CAMK4: variants seen among roughly 807,000 people sequenced by gnomAD.
CAMK4 encodes the protein calcium/calmodulin dependent protein kinase IV, also known as calcium/calmodulin-dependent protein kinase type IV.
CAMK4 carries 22 observed loss-of-function variants against 44.9 expected under a neutral mutation model. The observed-to-expected ratio is 0.49, with a 90% CI of 0.35 to 0.70. The LOEUF (loss-of-function observed/expected upper bound fraction) is 0.70, where lower values mean the gene tolerates loss of function less well. Among genes scored for constraint, CAMK4 ranks in the 30% least tolerant of loss-of-function variants. The pLI is 0.01. For missense variants in CAMK4, 498 were observed against 586.8 expected (o/e 0.85, Z 1.56); for synonymous variants, 218 against 215.4 (o/e 1.01, Z -0.11).
intron 1 of CAMK4, among the ~76,000 whole-genome samples, chr5:111,264,496 CA>C (rs1454724499): frequency 6.6e-6 from 1 of 152,144 alleles, no homozygotes; most frequent in Non-Finnish European, 1.5e-5. Context: ...AATTTCCTAT[CA>C]GATACCCTAA....
At chr5:111,360,911 ATC>A (rs1259618046) in intron 2 of CAMK4, among the ~76,000 whole-genome samples, 5 of 152,054 alleles carry the variant, frequency 3.3e-5, no homozygotes, top group African/African-American at 1.2e-4. Flanking sequence ...GATCTCTAGA[ATC>A]TCTGTCTTTC....
At chr5:111,330,668 A>G (rs1251673610) in intron 1 of CAMK4, among the ~76,000 whole-genome samples, 2 of 151,712 alleles carry the variant, frequency 1.3e-5, no homozygotes, top group Non-Finnish European at 2.9e-5. Context: ...ATACCATTTT[A>G]TATAAGGGAC....
intron 2 of CAMK4, among the ~76,000 whole-genome samples, chr5:111,347,932 C>A (rs1270627153): frequency 3.3e-5 from 5 of 151,886 alleles, no homozygotes. Context: ...TGAAACATAT[C>A]ACATTTAAGA....
chr5:111,377,584 C>T (rs560410391), intron 4 of CAMK4, among the ~76,000 whole-genome samples: 6 of 152,174 alleles, frequency 3.9e-5, no homozygotes, highest in African/African-American at 1.4e-4. Context: ...TTGTACAAGA[C>T]ACACAAACTT....
In CAMK4 at chr5:111,375,296, A is replaced by G. The variant is rs188367302; in HGVS notation, c.303+384A>G. 4.6e-5 allele frequency among the ~76,000 whole-genome samples: 7 copies of G among 152,282 alleles called. No homozygotes were observed. The East Asian group carries it at 1.4e-3, about 29-fold the overall frequency. On this transcript the variant is annotated intron_variant, in intron 3 of 10. Transcript: ENST00000282356. ...ATACATTGCTTTCCCAAGTAATTTC[A>G]GTCTGCTTTGAGAGAGGATCTGCTT... is the stretch of plus-strand genomic sequence containing the variant.
chr5:111,237,951 A>G (rs1159277346), intron 1 of CAMK4, among the ~76,000 whole-genome samples: 2 of 152,250 alleles, frequency 1.3e-5, no homozygotes, highest in Admixed American at 1.3e-4. Context: ...AAGTAGGGTT[A>G]TTAACTTTAC....
intron 5 of CAMK4, among the ~76,000 whole-genome samples, chr5:111,424,542 T>A (rs1335511525): frequency 6.8e-6 from 1 of 146,298 alleles, no homozygotes; most frequent in Admixed American, 7.0e-5. Context: ...CCTCCTGAGT[T>A]CACGCCATTC....
At chr5:111,430,564 C>T (rs1753407156) in intron 5 of CAMK4, among the ~76,000 whole-genome samples, 1 of 152,196 alleles carries the variant, frequency 6.6e-6, no homozygotes. Flanking sequence ...AACCTTAAGA[C>T]TCCACAAGAA....
chr5:111,450,156 TA>T (rs956134638), intron 7 of CAMK4, among the ~76,000 whole-genome samples: 13 of 150,268 alleles, frequency 8.7e-5, no homozygotes, highest in South Asian at 2.1e-4. Flanking sequence ...CTATCTCTAC[TA>T]AAAAAAAATA....
chr5:111,334,354 A>C (rs1011669539), intron 1 of CAMK4, among the ~76,000 whole-genome samples: 3 of 151,564 alleles, frequency 2.0e-5, no homozygotes, highest in Non-Finnish European at 3.0e-5. Context: ...GTGACCAAAG[A>C]ACATCTTGAA....
chr5:111,364,209 T>C (rs1019210649), intron 2 of CAMK4, among the ~76,000 whole-genome samples: 60 of 139,576 alleles, frequency 4.3e-4, no homozygotes, highest in African/African-American at 1.2e-3. Context: ...GAGTTATTAA[T>C]CAGGATCATG....
chr5:111,392,671 C>G (rs907852499), intron 4 of CAMK4, among the ~76,000 whole-genome samples: 5 of 151,900 alleles, frequency 3.3e-5, no homozygotes, highest in Non-Finnish European at 7.4e-5. Context: ...ACATATTAAC[C>G]TGATAATATT....
chr5:111,432,962 C>G (rs934098316), intron 5 of CAMK4, among the ~76,000 whole-genome samples: 6 of 152,002 alleles, frequency 3.9e-5, no homozygotes, highest in Admixed American at 3.3e-4. Context: ...CTTTGATAGG[C>G]AAGCACACAA....
At chr5:111,286,509 C>A (rs942665821) in intron 1 of CAMK4, among the ~76,000 whole-genome samples, 3 of 152,226 alleles carry the variant, frequency 2.0e-5, no homozygotes, top group South Asian at 4.1e-4. Flanking sequence ...TCCTTTGCAG[C>A]CCCTCTTTCA....
intron 1 of CAMK4, among the ~76,000 whole-genome samples, chr5:111,301,723 T>G (rs1161843289): frequency 6.6e-6 from 1 of 152,228 alleles, no homozygotes; most frequent in African/African-American, 2.4e-5. Context: ...CCCACTATCA[T>G]TTTGGGAATC....
intron 4 of CAMK4, among the ~76,000 whole-genome samples, chr5:111,389,053 G>A (rs1751707262): frequency 6.6e-6 from 1 of 152,108 alleles, no homozygotes; most frequent in African/African-American, 2.4e-5. Context: ...ATACTGAGTG[G>A]CTTATAAACA....
chr5:111,366,317 C>T (rs1293115285), intron 2 of CAMK4, among the ~76,000 whole-genome samples: 1 of 152,080 alleles, frequency 6.6e-6, no homozygotes, highest in Non-Finnish European at 1.5e-5. Flanking sequence ...GGAAATGCTG[C>T]TTTACTTGCC....
intron 2 of CAMK4, among the ~76,000 whole-genome samples, chr5:111,349,660 A>G (rs144482368): frequency 1.4e-3 from 211 of 152,068 alleles, no homozygotes; most frequent in African/African-American, 4.5e-3. Context: ...TGGAGTCTCT[A>G]TTTCAGGAGT....
At chr5:111,257,510 G>C (rs1749792637) in intron 1 of CAMK4, among the ~76,000 whole-genome samples, 1 of 152,196 alleles carries the variant, frequency 6.6e-6, no homozygotes, top group Non-Finnish European at 1.5e-5. Context: ...ATGCTGGTGA[G>C]GCTGTGGAGA....
Sources: allele counts gnomAD v4.1 joint callset (sites outside exome capture counted in the v4.1 genomes callset), GRCh38; gene constraint gnomAD v4.1.1; transcripts MANE v1.5; gene names NCBI Gene and HGNC (gene_info 2026-07-23, HGNC 2026-07-21).